The following ERI3 variants were observed in gnomAD, a reference collection of about 807,000 sequenced individuals.
ERI3 encodes ERI1 exoribonuclease 3.
In ERI3, 18 loss-of-function variants were observed where a neutral mutation model predicts 44.4. The ratio of observed to expected loss-of-function variants is 0.41; its 90% CI spans 0.28 to 0.60. ERI3 has a LOEUF of 0.60. Among genes scored for constraint, ERI3 ranks in the 20% least tolerant of loss-of-function variants. ERI3 has a pLI of 0.36. For synonymous variants in ERI3, 183 were observed against 164.8 expected (o/e 1.11, Z -0.84); for missense variants, 294 against 435.5 (o/e 0.68, Z 2.89).
chr1:44,281,965 C>T (rs1010784389), intron 7 of ERI3, among the ~76,000 whole-genome samples: 1 of 148,456 alleles, frequency 6.7e-6, no homozygotes, highest in Non-Finnish European at 1.5e-5. Context: ...GCTCTGATCT[C>T]CTGGAGGGAG....
chr1:44,256,639 T>C (rs921689073), intron 7 of ERI3: 8 of 152,296 alleles, frequency 5.3e-5, no homozygotes, highest in African/African-American at 1.9e-4. Flanking sequence ...TCCAACATGA[T>C]GGCTGCCTCT....
At chr1:44,288,694 A>AG (rs1347222641) in intron 6 of ERI3, among the ~76,000 whole-genome samples, 4 of 152,210 alleles carry the variant, frequency 2.6e-5, no homozygotes, top group Non-Finnish European at 5.9e-5. Context: ...AGATACACTC[A>AG]GGGCTCTTTA....
intron 8 of ERI3, among the ~76,000 whole-genome samples, chr1:44,225,912 A>T (rs1205029871): frequency 6.6e-6 from 1 of 152,158 alleles, no homozygotes; most frequent in Non-Finnish European, 1.5e-5. Context: ...ATGCTCAGTG[A>T]TCTTGTACCA....
At position 44,330,321 on chromosome 1, in the gene ERI3, A is replaced by T. The variant is rs560659175; in HGVS notation, c.489+8724T>A. Among the ~76,000 whole-genome samples, 3 of 152,274 alleles carry T rather than the reference A, an allele frequency of 2.0e-5. No individual in the cohort carries two copies. In the South Asian group the frequency reaches 6.2e-4, roughly 32 times the overall value. On this transcript the variant is annotated intron_variant, in intron 3 of 8. Transcript: ENST00000372257. ...AATGGCCTTCCAGGACTAGACACTG[A>T]CTATACACTACAACAGAAGTAGAGC...
intron 3 of ERI3, among the ~76,000 whole-genome samples, chr1:44,321,411 T>C (rs989661282): frequency 6.6e-6 from 1 of 152,172 alleles, no homozygotes; most frequent in African/African-American, 2.4e-5. Context: ...GTAATACCTC[T>C]CCTTCCAAGG....
At position 44,259,980 on chromosome 1, in the gene ERI3, T is replaced by C. The variant is rs78277195; in HGVS notation, c.832-11942A>G. 3.7e-3 allele frequency among the ~76,000 whole-genome samples: 563 copies of C among 152,118 alleles called. 9 individuals carry two copies. In the East Asian group the frequency reaches 0.043, roughly 12 times the overall value. The stretch of plus-strand genomic sequence containing the variant: ...TCCTTTGCACATCTACCCCTCCTTA[T>C]TCCTAAGGGTAGCCAGGCCTGGGAA... On this transcript the variant is annotated intron_variant, in intron 7 of 8. Transcript: ENST00000372257.
chr1:44,222,635 T>C (rs999798984), intron 8 of ERI3, among the ~76,000 whole-genome samples: 3 of 152,056 alleles, frequency 2.0e-5, no homozygotes, highest in Non-Finnish European at 2.9e-5. Context: ...CAGAGCTTAT[T>C]CCACTAGCAG....
chr1:44,352,435 TA>T (rs1251360447), intron 2 of ERI3, among the ~76,000 whole-genome samples: 7 of 151,884 alleles, frequency 4.6e-5, no homozygotes, highest in African/African-American at 1.7e-4. Flanking sequence ...GATAGATAGA[TA>T]GATAGATAGA....
At chr1:44,345,528 T>C (rs931706658) in intron 2 of ERI3, among the ~76,000 whole-genome samples, 1 of 152,214 alleles carries the variant, frequency 6.6e-6, no homozygotes, top group African/African-American at 2.4e-5. Context: ...TTCTCAGTCC[T>C]GGTGTAAGTC....
In ERI3 at chr1:44,313,131, G is replaced by A. The variant is rs778124035; in HGVS notation, c.666+38C>T. ...GGGAGGGAGAGAAAGGCAGCAGGAA[G>A]GGGTCAGAGGTCAGGAATTAAAGGT... On this transcript the variant is annotated intron_variant, in intron 5 of 8. Coordinates refer to ENST00000372257, the MANE Select transcript of ERI3 (RefSeq NM_024066.3). 83 of 1,588,290 alleles carry A rather than the reference G, an allele frequency of 5.2e-5. No homozygotes were observed. The East Asian group carries it at 1.7e-3, about 33-fold the overall frequency.
intron 7 of ERI3, among the ~76,000 whole-genome samples, chr1:44,280,136 A>T (rs1572176953): frequency 6.6e-6 from 1 of 152,222 alleles, no homozygotes; most frequent in East Asian, 1.9e-4. Flanking sequence ...CATTTCTATA[A>T]GCAAACTTCG....
intron 8 of ERI3, among the ~76,000 whole-genome samples, chr1:44,239,882 T>C (rs1389790252): frequency 6.6e-6 from 1 of 152,226 alleles, no homozygotes; most frequent in African/African-American, 2.4e-5. Flanking sequence ...CTGGGCCTAA[T>C]TGTCTGACCC....
chr1:44,245,249 C>T (rs554694826), intron 8 of ERI3, among the ~76,000 whole-genome samples: 3 of 152,308 alleles, frequency 2.0e-5, no homozygotes, highest in Middle Eastern at 3.4e-3. Context: ...TCCCCTTCCC[C>T]GCCTCTCCCA....
chr1:44,267,119 G>A (rs1645004863), intron 7 of ERI3, among the ~76,000 whole-genome samples: 1 of 152,166 alleles, frequency 6.6e-6, no homozygotes, highest in African/African-American at 2.4e-5. Flanking sequence ...GTAAAGAACT[G>A]GGTGGGAATG....
At chr1:44,234,635 G>A (rs1644263534) in intron 8 of ERI3, among the ~76,000 whole-genome samples, 1 of 151,926 alleles carries the variant, frequency 6.6e-6, no homozygotes, top group Admixed American at 6.5e-5. Flanking sequence ...CTCTAGCCGG[G>A]GCAACAGAAT....
intron 6 of ERI3, among the ~76,000 whole-genome samples, chr1:44,301,715 C>T (rs1300337561): frequency 6.6e-6 from 1 of 152,206 alleles, no homozygotes; most frequent in Non-Finnish European, 1.5e-5. Flanking sequence ...CCCTCCACTA[C>T]CCTGACCCAC....
intron 2 of ERI3, among the ~76,000 whole-genome samples, chr1:44,342,822 T>TATATATATATATATATATATATATATAA (rs1646685967): frequency 1.5e-4 from 2 of 12,980 alleles, no homozygotes; most frequent in African/African-American, 6.3e-4. Context: ...AATATATATA[T>TATATATATATATATATATATATATATAA]ATATATATAT....
At chr1:44,314,882 A>G (rs1292924951) in intron 4 of ERI3, among the ~76,000 whole-genome samples, 1 of 152,250 alleles carries the variant, frequency 6.6e-6, no homozygotes, top group Non-Finnish European at 1.5e-5. Context: ...AGCCCCAACT[A>G]GTACCGAGAG....
chr1:44,288,616 TACA>T (rs1645441069), intron 6 of ERI3, among the ~76,000 whole-genome samples: 2 of 152,246 alleles, frequency 1.3e-5, no homozygotes, highest in East Asian at 1.9e-4. Context: ...TGCTCAATCA[TACA>T]ACAAGGCAAG....
Sources: allele counts gnomAD v4.1 joint callset (sites outside exome capture counted in the v4.1 genomes callset), GRCh38; gene constraint gnomAD v4.1.1; transcripts MANE v1.5; gene names NCBI Gene and HGNC (gene_info 2026-07-23, HGNC 2026-07-21).